The following SRP54 variants were observed in gnomAD, a reference collection of about 807,000 sequenced individuals.
SRP54 encodes the protein signal recognition particle subunit SRP54.
Under a neutral mutation model 64.8 loss-of-function variants are expected in SRP54, and 10 were observed. The ratio of observed to expected loss-of-function variants is 0.15; its 90% confidence interval spans 0.10 to 0.26. SRP54 has a LOEUF of 0.26. SRP54 is among the 10% of genes least tolerant of loss of function. The pLI, the probability that SRP54 is intolerant of heterozygous loss-of-function variation, is 1.00. For missense variants in SRP54, 325 were observed against 613.7 expected, an observed-to-expected ratio of 0.53 and a Z score of 4.97; for synonymous variants, 193 against 185.6, an observed-to-expected ratio of 1.04 and a Z score of -0.32.
intron 13 of SRP54, among the ~76,000 whole-genome samples, chr14:35,022,347 A>C (rs527758805): frequency 1.3e-5 from 2 of 151,858 alleles, no homozygotes; most frequent in South Asian, 4.2e-4. Flanking sequence ...GTTCTTTTGA[A>C]TATATTCCGT....
intron 2 of SRP54, among the ~76,000 whole-genome samples, chr14:34,998,179 G>T (rs2044099955): frequency 6.6e-6 from 1 of 152,134 alleles, no homozygotes; most frequent in African/African-American, 2.4e-5. Context: ...GAACATTCAA[G>T]AAATATTTGA....
intron 1 of SRP54, among the ~76,000 whole-genome samples, chr14:34,989,469 C>CA (rs969169829): frequency 9.1e-4 from 126 of 138,946 alleles, no homozygotes; most frequent in Middle Eastern, 3.7e-3. Flanking sequence ...AACTCTGTCT[C>CA]AAAAAAAAAA....
chr14:35,013,305 A>G (rs750253056), intron 8 of SRP54, 41 bp from the exon 9 acceptor site: 2 of 1,574,364 alleles, frequency 1.3e-6, no homozygotes, highest in Non-Finnish European at 8.7e-7. Flanking sequence ...AGGATCAATA[A>G]AAATCTTTTC....
intron 7 of SRP54, among the ~76,000 whole-genome samples, chr14:35,009,362 T>TTTTTTTTTTTTTTTTTTTTTTTTTTGAG (rs2044319154): frequency 6.9e-6 from 1 of 145,956 alleles, no homozygotes; most frequent in African/African-American, 2.5e-5. Context: ...ATGTTCTTAT[T>TTTTTTTTTTTTTTTTTTTTTTTTTTGAG]AAGTGTATTT....
intron 1 of SRP54, among the ~76,000 whole-genome samples, chr14:34,989,215 C>T (rs1246149541): frequency 6.6e-6 from 1 of 152,084 alleles, no homozygotes; most frequent in Non-Finnish European, 1.5e-5. Flanking sequence ...GAAGAAAGGA[C>T]TTTTGGCCAG....
chr14:35,019,100 G>A, intron 13 of SRP54, 26 bp downstream of exon 13: 7 of 1,536,818 alleles, frequency 4.6e-6, no homozygotes, highest in South Asian at 2.3e-5. Context: ...ATTTTCCTCA[G>A]GCAAAAATGT....
At chr14:35,016,941 G>A (rs1242440730) in intron 11 of SRP54, among the ~76,000 whole-genome samples, 7 of 142,556 alleles carry the variant, frequency 4.9e-5, no homozygotes, top group Non-Finnish European at 1.1e-4. Context: ...TGCAACCTCC[G>A]CCTCCCAGTT....
At chr14:35,002,696 A>G (rs1001604776) in intron 4 of SRP54, among the ~76,000 whole-genome samples, 1 of 149,714 alleles carries the variant, frequency 6.7e-6, no homozygotes, top group Admixed American at 6.7e-5. Context: ...TAGCCTCCCA[A>G]AGTGCTGGGA....
intron 1 of SRP54, among the ~76,000 whole-genome samples, chr14:34,984,843 C>G (rs2043868890): frequency 6.6e-6 from 1 of 151,784 alleles, no homozygotes; most frequent in Non-Finnish European, 1.5e-5. Context: ...GTTGATAGTT[C>G]TGTACTTTCC....
At chr14:35,022,876 A>G in intron 13 of SRP54, 34 bp from the exon 14 acceptor site, 1 of 1,538,700 alleles carries the variant, frequency 6.5e-7, no homozygotes, top group Non-Finnish European at 8.8e-7. Flanking sequence ...GGTGAATGAT[A>G]ATTGTGTGTG....
Position 35,023,100 on chromosome 14 carries a change from T to G in SRP54, c.1327+20T>G. The G allele has an allele frequency of 9.5e-7, 1 of 1,047,514 alleles. No individual in the cohort carries two copies. The highest frequency in any genetic ancestry group is 1.3e-6 in the Non-Finnish European group (1 of 767,402). The allele number at this position is 1,047,514 out of a possible 1,614,324, so 64.9% of individuals were successfully genotyped here. On this transcript the variant is annotated intron_variant, in intron 14 of 15. Coordinates refer to ENST00000216774, the MANE Select transcript of SRP54 (RefSeq NM_003136.4). ...TCAAAGGTAAGAAAAATAAGCTTGT[T>G]ATTAGTTAACAGACGGAAAAGAAAG...
intron 14 of SRP54, among the ~76,000 whole-genome samples, chr14:35,027,151 T>C (rs1366272088): frequency 6.6e-6 from 1 of 151,308 alleles, no homozygotes; most frequent in Non-Finnish European, 1.5e-5. Flanking sequence ...CTCAGTCTCC[T>C]GAGTAGCTGG....
intron 3 of SRP54, among the ~76,000 whole-genome samples, chr14:35,000,190 TATCTC>T (rs566907186): frequency 1.2e-3 from 186 of 152,330 alleles, no homozygotes; most frequent in African/African-American, 4.3e-3. Flanking sequence ...GCTTGAGTCT[TATCTC>T]TTACCATGCT....
In SRP54 at chr14:35,014,290, T is replaced by TTTTTTTTTTTTTTTTTTTTTTTTTTG. The variant is rs376712278; in HGVS notation, c.886+392_886+393insTTTTTTTTTTTTTTTTTTTTTGTTTT. 4.1e-3 allele frequency among the ~76,000 whole-genome samples: 523 copies of TTTTTTTTTTTTTTTTTTTTTTTTTTG among 127,132 alleles called. 27 individuals are homozygous for TTTTTTTTTTTTTTTTTTTTTTTTTTG. The highest frequency in any genetic ancestry group is 0.011 in the East Asian group (42 of 3,668). 83.4% of individuals were successfully genotyped at this position (127,132 alleles called of 152,430 possible). On this transcript the variant is annotated intron_variant, in intron 10 of 15. Coordinates refer to ENST00000216774, the MANE Select transcript of SRP54 (RefSeq NM_003136.4). ...TGCCACTTAACTTTTTTTTTTTTTT[T>TTTTTTTTTTTTTTTTTTTTTTTTTTG]TTTTGAGACGGAGTTTCGCTCTTGT... is the stretch of plus-strand genomic sequence containing the variant.
Position 35,029,199 on chromosome 14 carries a change from T to C in SRP54, c.*47T>C, listed in dbSNP as rs2044684018. 6.6e-7 allele frequency: 1 copy of C among 1,504,190 alleles called. No individual in the cohort carries two copies. The highest frequency in any genetic ancestry group is 9.2e-7 in the Non-Finnish European group (1 of 1,089,336). 93.2% of individuals were successfully genotyped at this position (1,504,190 alleles called of 1,614,324 possible). A position where few individuals can be genotyped will look rare whatever the true frequency, so the allele number is the denominator to read the frequency against. On this transcript the variant is annotated 3_prime_UTR_variant, in exon 16 of 16. Coordinates refer to ENST00000216774, the MANE Select transcript of SRP54 (RefSeq NM_003136.4). Reference sequence around the variant, plus strand: ...TGACTCAGTTGAATACCTAATTTGCTGAGACCTCAGCGTTTCCCTTCTTTT... The same window carrying C: ...TGACTCAGTTGAATACCTAATTTGCCGAGACCTCAGCGTTTCCCTTCTTTT...
intron 7 of SRP54, among the ~76,000 whole-genome samples, chr14:35,010,891 T>C (rs1424670376): frequency 3.3e-5 from 5 of 152,240 alleles, no homozygotes; most frequent in Admixed American, 2.6e-4. Flanking sequence ...CTCAAGGTTA[T>C]GTGTTACAGA....
intron 11 of SRP54, among the ~76,000 whole-genome samples, chr14:35,018,190 G>A (rs1056549108): frequency 1.3e-5 from 2 of 152,090 alleles, no homozygotes; most frequent in African/African-American, 4.8e-5. Context: ...TCATGTAGTT[G>A]TACTTATCTA....
chr14:35,018,492 G>A (rs2044477868), intron 11 of SRP54, 200 bp from the exon 12 acceptor site: 2 of 519,002 alleles, frequency 3.9e-6, no homozygotes, highest in Non-Finnish European at 6.9e-6. Context: ...GCTTCTCTAT[G>A]ATAGGACCTG....
At chr14:34,992,580 G>A (rs534104134) in intron 1 of SRP54, among the ~76,000 whole-genome samples, 13 of 152,222 alleles carry the variant, frequency 8.5e-5, no homozygotes, top group African/African-American at 3.1e-4. Context: ...ATAAGTGAGA[G>A]CTAAACATAG....
Sources: allele counts gnomAD v4.1 joint callset (sites outside exome capture counted in the v4.1 genomes callset), GRCh38; gene constraint gnomAD v4.1.1; transcripts MANE v1.5; gene names NCBI Gene and HGNC (gene_info 2026-07-23, HGNC 2026-07-21).